PRIM1: variants seen among roughly 807,000 people sequenced by gnomAD.
The protein encoded by PRIM1 is DNA primase small subunit.
PRIM1 carries 38 observed loss-of-function variants against 60.2 expected under a neutral mutation model. The ratio of observed to expected loss-of-function variants is 0.63; its 90% CI spans 0.49 to 0.83. PRIM1 has a LOEUF of 0.83. Among genes scored for constraint, PRIM1 ranks in the 40% least tolerant of loss-of-function variants. The pLI, the probability that PRIM1 is intolerant of heterozygous loss-of-function variation, is 0.00. For missense variants in PRIM1, 388 were observed against 506.2 expected, an observed-to-expected ratio of 0.77 and a Z score of 2.24; for synonymous variants, 158 against 160.2, an observed-to-expected ratio of 0.99 and a Z score of 0.10.
In PRIM1 at chr12:56,752,003, C is replaced by T. The variant is rs905925025; in HGVS notation, c.103+193G>A. Among the ~76,000 whole-genome samples the T allele has an allele frequency of 2.7e-5, 4 of 146,636 alleles. No homozygotes were observed. The East Asian group carries it at 8.0e-4, about 29-fold the overall frequency. ...TTTTTTTTTTTTTTTACAGCGTGGC[C>T]GCAGGCTGGCTTATTATATCCTCTC... On this transcript the variant is annotated intron_variant, in intron 1 of 12. Transcript: ENST00000338193.
chr12:56,749,101 C>G (rs570876052), intron 2 of PRIM1, among the ~76,000 whole-genome samples: 4 of 152,088 alleles, frequency 2.6e-5, no homozygotes, highest in Admixed American at 6.6e-5. Context: ...CTCCACCTAC[C>G]GGGTTCAAGC....
intron 8 of PRIM1, 50 bp downstream of exon 8, chr12:56,741,696 A>G (rs1340261066): frequency 1.0e-5 from 16 of 1,585,932 alleles, no homozygotes; most frequent in Non-Finnish European, 1.3e-5. Context: ...AATCAATTTA[A>G]TTAAGAATTG....
At chr12:56,740,609 G>C (rs1164516671) in intron 9 of PRIM1, among the ~76,000 whole-genome samples, 3 of 151,976 alleles carry the variant, frequency 2.0e-5, no homozygotes, top group Non-Finnish European at 4.4e-5. Context: ...GCAAAACCCT[G>C]TCTACAAAAT....
intron 12 of PRIM1, among the ~76,000 whole-genome samples, chr12:56,733,050 T>C (rs1252128514): frequency 6.6e-6 from 1 of 151,436 alleles, no homozygotes; most frequent in Non-Finnish European, 1.5e-5. Context: ...AGACGGGGTT[T>C]CACCGTGTTG....
rs956070928 is a variant in PRIM1, at chr12:56,751,080, C to T, written c.219G>A (p.Met73Ile). Residue 73 changes from methionine to isoleucine, a missense_variant, in exon 2 of 13, where the codon ATG becomes ATA. By Grantham distance (10) the Met-to-Ile change is conservative. Transcript: ENST00000338193. ...CGCCTATATCAATCTTGTATGGATT[C>T]ATTTTCTGCATCTCCTTTTCCAGAT... is the stretch of plus-strand genomic sequence containing the variant. ...QSDLEKEMQK[M>I]NPYKIDIGAV... The T allele has an allele frequency of 6.3e-7, 1 of 1,599,528 alleles. No homozygotes were observed. Among genetic ancestry groups the T allele is most frequent in the Non-Finnish European group, 8.5e-7 (1 of 1,172,276 alleles).
chr12:56,747,290 AAG>A (rs1371848051), intron 2 of PRIM1, among the ~76,000 whole-genome samples: 1 of 152,194 alleles, frequency 6.6e-6, no homozygotes, highest in Non-Finnish European at 1.5e-5. Context: ...GATAATAATA[AAG>A]CTGTTTTTAG....
At chr12:56,733,692 C>T (rs1033329243) in intron 12 of PRIM1, among the ~76,000 whole-genome samples, 15 of 151,336 alleles carry the variant, frequency 9.9e-5, no homozygotes, top group East Asian at 5.9e-4. Context: ...CCGGTTCAAG[C>T]GATTCTCATG....
chr12:56,734,772 T>TTTTATATATATA (rs1953811616), intron 11 of PRIM1, among the ~76,000 whole-genome samples: 1 of 120,358 alleles, frequency 8.3e-6, no homozygotes, highest in African/African-American at 4.0e-5. Context: ...TACAAGTCTT[T>TTTTATATATATA]TATATTTATA....
chr12:56,746,659 C>T (rs1953909591), intron 4 of PRIM1, 122 bp downstream of exon 4: 2 of 797,252 alleles, frequency 2.5e-6, no homozygotes, highest in Non-Finnish European at 2.0e-6. Context: ...CACACACACA[C>T]ACACACACAC....
chr12:56,749,924 C>A (rs191363643), intron 2 of PRIM1, among the ~76,000 whole-genome samples: 3 of 152,234 alleles, frequency 2.0e-5, no homozygotes, highest in Admixed American at 1.3e-4. Flanking sequence ...CTGTCTCTTG[C>A]CAGGCACTCT....
chr12:56,736,298 T>TAAAAAAAAAAAAAAAA (rs756452647), intron 11 of PRIM1, among the ~76,000 whole-genome samples: 21 of 24,320 alleles, frequency 8.6e-4, no homozygotes, highest in African/African-American at 2.7e-3. Context: ...ACTCTTTCTC[T>TAAAAAAAAAAAAAAAA]AAAAAAAAAA....
intron 9 of PRIM1, 26 bp from the exon 10 acceptor site, chr12:56,739,389 G>T (rs767387160): frequency 9.7e-6 from 14 of 1,449,172 alleles, no homozygotes; most frequent in Non-Finnish European, 1.3e-5. Context: ...GTTATAAACT[G>T]ATGATTGTGG....
intron 5 of PRIM1, among the ~76,000 whole-genome samples, chr12:56,745,280 G>A (rs926418070): frequency 4.0e-5 from 6 of 151,702 alleles, no homozygotes; most frequent in African/African-American, 1.5e-4. Context: ...GCGTGGTGGC[G>A]CATGCCTTTA....
At chr12:56,734,960 C>T (rs1410886616) in intron 11 of PRIM1, among the ~76,000 whole-genome samples, 21 of 150,308 alleles carry the variant, frequency 1.4e-4, no homozygotes, top group African/African-American at 4.2e-4. Flanking sequence ...TATAGGTGCC[C>T]GCCACCACAA....
intron 2 of PRIM1, among the ~76,000 whole-genome samples, chr12:56,750,741 C>T (rs1017582549): frequency 2.0e-5 from 3 of 152,076 alleles, no homozygotes; most frequent in Non-Finnish European, 2.9e-5. Flanking sequence ...AGGCGCGTAC[C>T]ACCACGCCCG....
At chr12:56,736,079 C>T (rs1201727677) in intron 11 of PRIM1, among the ~76,000 whole-genome samples, 2 of 151,238 alleles carry the variant, frequency 1.3e-5, no homozygotes, top group African/African-American at 2.4e-5. Context: ...AGGTGGATTA[C>T]GTGAGGTCGT....
intron 9 of PRIM1, among the ~76,000 whole-genome samples, chr12:56,739,775 CTT>C: frequency 6.6e-6 from 1 of 152,264 alleles, no homozygotes; most frequent in East Asian, 1.9e-4. Context: ...AAACAATCCT[CTT>C]GCCTCAGCCT....
intron 1 of PRIM1, chr12:56,751,633 T>C (rs1380513933): frequency 1.3e-5 from 2 of 153,640 alleles, no homozygotes; most frequent in African/African-American, 2.4e-5. Flanking sequence ...CCGTGGTAGA[T>C]GTAAAAGAAA....
Position 56,740,451 on chromosome 12 carries a change from CT to C in PRIM1, c.982+983del, listed in dbSNP as rs576226104. 1.2e-4 allele frequency among the ~76,000 whole-genome samples: 18 copies of C among 152,108 alleles called. No homozygotes were observed. In the South Asian group the frequency reaches 3.5e-3, roughly 30 times the overall value. ...TCCTCTACTCTTTTATAATACCCCC[CT>C]AGGATACCATATAGAATTTAACACA... On this transcript the variant is annotated intron_variant, in intron 9 of 12. Coordinates refer to ENST00000338193, the MANE Select transcript of PRIM1 (RefSeq NM_000946.3).
Sources: allele counts gnomAD v4.1 joint callset (sites outside exome capture counted in the v4.1 genomes callset), GRCh38; gene constraint gnomAD v4.1.1; transcripts MANE v1.5; gene names NCBI Gene and HGNC (gene_info 2026-07-23, HGNC 2026-07-21).